Variants in RC3H2 observed in about 807,000 individuals in gnomAD.
The protein encoded by RC3H2 is ring finger and CCCH-type domains 2.
In RC3H2, 31 loss-of-function variants were observed where a neutral mutation model predicts 133.3. The observed-to-expected ratio is 0.23, with a 90% confidence interval of 0.17 to 0.31. RC3H2 has a LOEUF of 0.31. Among genes scored for constraint, RC3H2 ranks in the 10% least tolerant of loss-of-function variants. The pLI is 1.00. For missense variants in RC3H2, 1,175 were observed against 1,437.2 expected (o/e 0.82, Z 2.95); for synonymous variants, 517 against 502.2 (o/e 1.03, Z -0.40).
chr9:122,864,341 G>A (rs1830559760), intron 10 of RC3H2, among the ~76,000 whole-genome samples: 1 of 150,682 alleles, frequency 6.6e-6, no homozygotes, highest in South Asian at 2.1e-4. Context: ...CTCTGACAAA[G>A]GAAATCTTAT....
chr9:122,890,019 G>A (rs994879967), intron 4 of RC3H2, among the ~76,000 whole-genome samples: 6 of 152,112 alleles, frequency 3.9e-5, no homozygotes, highest in African/African-American at 1.4e-4. Flanking sequence ...GCGTGTGCCT[G>A]TAGTCCCAGC....
intron 18 of RC3H2, among the ~76,000 whole-genome samples, chr9:122,852,463 T>C (rs1156826602): frequency 1.0e-4 from 14 of 139,030 alleles, no homozygotes; most frequent in Non-Finnish European, 1.4e-4. Flanking sequence ...GGGGCGCCTC[T>C]GCCCGGCCGC....
intron 13 of RC3H2, among the ~76,000 whole-genome samples, chr9:122,856,595 A>G (rs1305085780): frequency 6.6e-6 from 1 of 152,230 alleles, no homozygotes; most frequent in Non-Finnish European, 1.5e-5. Context: ...TGTGCAAATA[A>G]GGGAATATAA....
intron 18 of RC3H2, among the ~76,000 whole-genome samples, chr9:122,852,345 C>T (rs1366068672): frequency 1.6e-4 from 25 of 151,678 alleles, no homozygotes; most frequent in African/African-American, 6.1e-4. Flanking sequence ...GCCTGGCAGC[C>T]ACCCCGTCTG....
intron 3 of RC3H2, among the ~76,000 whole-genome samples, chr9:122,892,120 T>A (rs2131491215): frequency 6.6e-6 from 1 of 152,282 alleles, no homozygotes; most frequent in South Asian, 2.1e-4. Context: ...TAAATTTTTT[T>A]TTTTTTTTTG....
In RC3H2 at chr9:122,897,405, G is replaced by A. The variant is rs753031317; in HGVS notation, c.105C>T (p.His35=). 8.1e-6 allele frequency: 13 copies of A among 1,614,080 alleles called. 1 individual carries two copies. In the South Asian group the frequency reaches 1.4e-4, roughly 18 times the overall value. ...VHKPISLGCS[H]TVCKTCLNKL... is the part of the protein sequence containing the mutation. ...TATTCAAGCAGGTCTTGCAAACAGT[G>A]TGTGAACAACCTAAACTGATGGGTT... is the stretch of plus-strand genomic sequence containing the variant. Residue 35 remains histidine (H), a synonymous_variant, in exon 2 of 21, where the codon CAC becomes CAT. Coordinates refer to ENST00000357244, the MANE Select transcript of RC3H2 (RefSeq NM_001100588.3).
chr9:122,862,153 T>C (rs1830479623), intron 10 of RC3H2, among the ~76,000 whole-genome samples: 1 of 152,144 alleles, frequency 6.6e-6, no homozygotes, highest in African/African-American at 2.4e-5. Flanking sequence ...AAGGTCAACA[T>C]TTATTGCCTC....
chr9:122,855,374 C>T lies in RC3H2; in HGVS notation c.2625G>A (p.Lys875=). 6.2e-7 allele frequency: 1 copy of T among 1,613,438 alleles called. No individual in the cohort carries two copies. The highest frequency in any genetic ancestry group is 8.5e-7 in the Non-Finnish European group (1 of 1,179,984). ...GGGTTTCAAATAAATGTACTCTTCTCTTAACATCACCACTGTCCAGGTCCT... is the reference window on the plus strand; with the variant it reads ...GGGTTTCAAATAAATGTACTCTTCTTTTAACATCACCACTGTCCAGGTCCT... ...VLMDLDSGDV[K]RRVHLFETQR... Residue 875 remains lysine, a synonymous_variant, in exon 15 of 21, where the codon AAG becomes AAA. Coordinates refer to ENST00000357244, the MANE Select transcript of RC3H2 (RefSeq NM_001100588.3).
intron 10 of RC3H2, among the ~76,000 whole-genome samples, chr9:122,864,810 G>C (rs960330189): frequency 6.6e-6 from 1 of 151,906 alleles, no homozygotes; most frequent in Non-Finnish European, 1.5e-5. Flanking sequence ...ATTTTTAGTA[G>C]AGATGGGGTT....
rs1293608685 is a variant in RC3H2, at chr9:122,868,912, T to G, written c.1326-3255A>C. Among the ~76,000 whole-genome samples the G allele has an allele frequency of 2.3e-4, 29 of 126,160 alleles. No homozygotes were observed. In the East Asian group the frequency reaches 7.3e-3, roughly 32 times the overall value. The allele number at this position is 126,160 out of a possible 152,430, so 82.8% of individuals were successfully genotyped here. A position where few individuals can be genotyped will look rare whatever the true frequency, so the allele number is the denominator to read the frequency against. The stretch of plus-strand genomic sequence containing the variant: ...GTGTATGTGTTTTTTTTTTTTTTTT[T>G]TGTGGGGGGGTTAAGTTCCACTCTT... On this transcript the variant is annotated intron_variant, in intron 9 of 20. Coordinates refer to ENST00000357244, the MANE Select transcript of RC3H2 (RefSeq NM_001100588.3).
chr9:122,861,295 A>T (rs1830445674), intron 10 of RC3H2, among the ~76,000 whole-genome samples: 1 of 152,050 alleles, frequency 6.6e-6, no homozygotes, highest in Non-Finnish European at 1.5e-5. Flanking sequence ...GTTCGCGACC[A>T]GCCTGACCAA....
At chr9:122,888,682 T>C (rs922757085) in intron 4 of RC3H2, among the ~76,000 whole-genome samples, 3 of 152,196 alleles carry the variant, frequency 2.0e-5, no homozygotes, top group Non-Finnish European at 2.9e-5. Flanking sequence ...GACAGCTGCA[T>C]AGTACTACAC....
intron 3 of RC3H2, among the ~76,000 whole-genome samples, 174 bp downstream of exon 3, chr9:122,892,735 A>G (rs1202828093): frequency 2.6e-5 from 4 of 152,102 alleles, no homozygotes; most frequent in African/African-American, 9.6e-5. Flanking sequence ...TAATAACAAT[A>G]TTGGTTATTT....
At chr9:122,886,449 A>G (rs947851461) in intron 4 of RC3H2, among the ~76,000 whole-genome samples, 6 of 152,168 alleles carry the variant, frequency 3.9e-5, no homozygotes, top group Admixed American at 1.3e-4. Context: ...TCATATGGTA[A>G]TTGTTTAACT....
chr9:122,877,596 G>A lies in RC3H2; in HGVS notation c.1213-13C>T, dbSNP rs945050796. The A allele has an allele frequency of 1.9e-6, 3 of 1,605,392 alleles. No individual in the cohort carries two copies. The highest frequency in any genetic ancestry group is 2.2e-5 in the South Asian group (2 of 90,854). On this transcript the variant is annotated splice_polypyrimidine_tract_variant and intron_variant, in intron 8 of 20. Coordinates refer to ENST00000357244, the MANE Select transcript of RC3H2 (RefSeq NM_001100588.3). The stretch of plus-strand genomic sequence containing the variant: ...TGTTTGGCTGAGGCTACAAAAATGG[G>A]AACACATTCAATGAGTGGCAAGGTG...
intron 2 of RC3H2, among the ~76,000 whole-genome samples, chr9:122,894,588 T>C (rs1417687592): frequency 6.6e-6 from 1 of 151,908 alleles, no homozygotes; most frequent in Non-Finnish European, 1.5e-5. Flanking sequence ...ATAAAGAACA[T>C]GAAGAGAGAG....
chr9:122,893,041 A>C lies in RC3H2; in HGVS notation c.232-15T>G. 1 of 1,596,878 alleles carries C rather than the reference A, an allele frequency of 6.3e-7. No homozygotes were observed. The highest frequency in any genetic ancestry group is 8.5e-7 in the Non-Finnish European group (1 of 1,176,264). On this transcript the variant is annotated splice_polypyrimidine_tract_variant and intron_variant, in intron 2 of 20. Coordinates refer to ENST00000357244, the MANE Select transcript of RC3H2 (RefSeq NM_001100588.3). ...TGATCTGGTACCTTAAAAAAAAAAA[A>C]AAAGGAATATTGCAGAAATACATTC...
intron 3 of RC3H2, among the ~76,000 whole-genome samples, chr9:122,891,813 C>G (rs1169923832): frequency 6.6e-6 from 1 of 152,216 alleles, no homozygotes; most frequent in Non-Finnish European, 1.5e-5. Flanking sequence ...AATCATTCAA[C>G]AATTGTTTAT....
chr9:122,856,170 G>C (rs1026755544), intron 13 of RC3H2, among the ~76,000 whole-genome samples: 1 of 151,718 alleles, frequency 6.6e-6, no homozygotes, highest in Non-Finnish European at 1.5e-5. Flanking sequence ...GGTATGGGGT[G>C]CACCAAGAAA....
Sources: gnomAD v4.1 joint callset for allele counts (sites outside exome capture counted in the v4.1 genomes callset) on GRCh38, gnomAD v4.1.1 for gene constraint, MANE v1.5 for transcripts, NCBI Gene and HGNC (gene_info 2026-07-23, HGNC 2026-07-21) for gene names.